FLRT1: variants seen among roughly 807,000 people sequenced by gnomAD.
FLRT1 encodes leucine-rich repeat transmembrane protein FLRT1.
FLRT1 carries 14 observed loss-of-function variants against 30.9 expected under a neutral mutation model. The observed-to-expected ratio is 0.45, with a 90% CI of 0.30 to 0.71. The LOEUF (loss-of-function observed/expected upper bound fraction) is 0.71, where lower values mean the gene tolerates loss of function less well. Ranked by LOEUF, FLRT1 falls within the 30% of genes least tolerant of loss-of-function variation. FLRT1 has a pLI of 0.08. For synonymous variants in FLRT1, 368 were observed against 430.4 expected, an observed-to-expected ratio of 0.85 and a Z score of 1.80; for missense variants, 737 against 949.2, an observed-to-expected ratio of 0.78 and a Z score of 2.94.
intron 1 of FLRT1, among the ~76,000 whole-genome samples, chr11:64,101,517 C>T (rs879744643): frequency 2.6e-5 from 4 of 152,198 alleles, no homozygotes; most frequent in Non-Finnish European, 4.4e-5. Flanking sequence ...AATGCCAAGG[C>T]CCGCTGCCCC....
At chr11:64,063,034 T>C (rs11826070) in intron 1 of FLRT1, among the ~76,000 whole-genome samples, 1,550 of 152,286 alleles carry the variant, frequency 0.01, 28 homozygotes, top group African/African-American at 0.036. Flanking sequence ...CAGTGAGATA[T>C]AACTTGAGCA....
chr11:64,109,655 C>A (rs1944825266), intron 2 of FLRT1, among the ~76,000 whole-genome samples: 1 of 152,150 alleles, frequency 6.6e-6, no homozygotes, highest in Non-Finnish European at 1.5e-5. Flanking sequence ...CTCCACCCTG[C>A]CCCCAGCCTG....
chr11:64,054,157 G>C (rs1309296793), intron 1 of FLRT1, among the ~76,000 whole-genome samples: 1 of 152,182 alleles, frequency 6.6e-6, no homozygotes, highest in Non-Finnish European at 1.5e-5. Context: ...GGCTAGCCAG[G>C]GTCAGGGCAG....
At chr11:64,073,678 G>A (rs1305314538) in intron 1 of FLRT1, among the ~76,000 whole-genome samples, 1 of 152,222 alleles carries the variant, frequency 6.6e-6, no homozygotes, top group Non-Finnish European at 1.5e-5. Context: ...TGGCACATCA[G>A]ATGGCATGCG....
intron 1 of FLRT1, among the ~76,000 whole-genome samples, chr11:64,046,509 T>A (rs1020599702): frequency 1.3e-5 from 2 of 152,196 alleles, no homozygotes; most frequent in Admixed American, 6.5e-5. Flanking sequence ...CCCTGCGCTG[T>A]GCTCCAGCCC....
At chr11:64,108,981 G>A (rs556058030) in intron 2 of FLRT1, among the ~76,000 whole-genome samples, 25 of 152,276 alleles carry the variant, frequency 1.6e-4, no homozygotes, top group African/African-American at 5.5e-4. Flanking sequence ...AAGTGGGGGT[G>A]GGGGAGACGT....
intron 1 of FLRT1, among the ~76,000 whole-genome samples, chr11:64,066,748 C>T (rs1415689240): frequency 1.3e-5 from 2 of 152,226 alleles, no homozygotes; most frequent in Non-Finnish European, 2.9e-5. Context: ...TCCTTCCTAC[C>T]TTCCAGGCCC....
In FLRT1 at chr11:64,116,405, G is replaced by A. The variant is rs759918242; in HGVS notation, c.138G>A (p.Thr46=). 8 of 1,613,930 alleles carry A rather than the reference G, an allele frequency of 5.0e-6. No individual in the cohort carries two copies. Among genetic ancestry groups the A allele is most frequent in the African/African-American group, 1.3e-5 (1 of 75,020 alleles). The stretch of plus-strand genomic sequence containing the variant: ...GCTACGGGCTCATCGCCTTCCTGAC[G>A]GAGGTCATCGACAGCACCACCTGCC... ...FLCYGLIAFL[T]EVIDSTTCPS... The change falls in exon 3 of 3, where the codon ACG becomes ACA. Residue 46 remains threonine, a synonymous_variant. Coordinates refer to ENST00000682287, the MANE Select transcript of FLRT1 (RefSeq NM_013280.5).
At chr11:64,087,765 C>T (rs1259311687) in intron 1 of FLRT1, among the ~76,000 whole-genome samples, 1 of 152,270 alleles carries the variant, frequency 6.6e-6, no homozygotes, top group Non-Finnish European at 1.5e-5. Context: ...GCACGCTGTG[C>T]ACGTCTGAAT....
intron 1 of FLRT1, among the ~76,000 whole-genome samples, chr11:64,037,978 G>A (rs1943414488): frequency 6.6e-6 from 1 of 152,188 alleles, no homozygotes; most frequent in South Asian, 2.1e-4. Context: ...GATTCTCAAG[G>A]GCTGAGGGTA....
At chr11:64,110,176 G>A (rs1447482424) in intron 2 of FLRT1, among the ~76,000 whole-genome samples, 5 of 152,134 alleles carry the variant, frequency 3.3e-5, no homozygotes, top group African/African-American at 7.2e-5. Context: ...GAGGCCCGGC[G>A]TGGTGGCTCA....
intron 2 of FLRT1, among the ~76,000 whole-genome samples, chr11:64,107,758 G>A (rs905966663): frequency 1.3e-5 from 2 of 152,158 alleles, no homozygotes; most frequent in Admixed American, 6.5e-5. Flanking sequence ...GGGTTAGAAG[G>A]TCCTTGAGGG....
intron 1 of FLRT1, among the ~76,000 whole-genome samples, chr11:64,089,192 C>T (rs915785744): frequency 6.6e-6 from 1 of 152,164 alleles, no homozygotes; most frequent in African/African-American, 2.4e-5. Context: ...TCTGACGGGA[C>T]AAGTGCTCTG....
intron 1 of FLRT1, among the ~76,000 whole-genome samples, chr11:64,084,241 C>T (rs1363283959): frequency 6.6e-6 from 1 of 152,178 alleles, no homozygotes; most frequent in Non-Finnish European, 1.5e-5. Context: ...GACAGGGACT[C>T]AGCCTCCAAA....
intron 2 of FLRT1, among the ~76,000 whole-genome samples, chr11:64,110,649 C>T (rs1017220074): frequency 2.6e-5 from 4 of 151,994 alleles, no homozygotes; most frequent in Non-Finnish European, 5.9e-5. Context: ...CTGCTCCCTT[C>T]GCCCACCCCC....
intron 1 of FLRT1, among the ~76,000 whole-genome samples, chr11:64,043,268 C>T (rs1393760063): frequency 6.6e-6 from 1 of 152,196 alleles, no homozygotes; most frequent in Non-Finnish European, 1.5e-5. Context: ...CTGGGATAAT[C>T]ACCCTGCTCG....
At chr11:64,066,906 A>G (rs1944015629) in intron 1 of FLRT1, among the ~76,000 whole-genome samples, 1 of 152,220 alleles carries the variant, frequency 6.6e-6, no homozygotes, top group Non-Finnish European at 1.5e-5. Flanking sequence ...CTCAGGCTAT[A>G]GCTCCGGAGC....
chr11:64,062,154 C>T (rs1943917976), intron 1 of FLRT1, among the ~76,000 whole-genome samples: 1 of 152,070 alleles, frequency 6.6e-6, no homozygotes, highest in Non-Finnish European at 1.5e-5. Flanking sequence ...TTTCCCCAGA[C>T]AGGGATTCCT....
Position 64,079,681 on chromosome 11 carries a change from G to A in FLRT1, c.-1037-23513G>A, listed in dbSNP as rs188419570. ...GTGGGAGCAGAGACCCCTGGAGGAG[G>A]TGTGGTTGGGGAAAGGAAGGACTGG... On this transcript the variant is annotated intron_variant, in intron 1 of 2. Transcript: ENST00000682287. Among the ~76,000 whole-genome samples the A allele has an allele frequency of 2.1e-3, 319 of 152,266 alleles. 1 individual carries two copies. The highest frequency in any genetic ancestry group is 1.6e-3 in the Non-Finnish European group (112 of 67,996).
Sources: gnomAD v4.1 joint callset for allele counts (sites outside exome capture counted in the v4.1 genomes callset) on GRCh38, gnomAD v4.1.1 for gene constraint, MANE v1.5 for transcripts, NCBI Gene and HGNC (gene_info 2026-07-23, HGNC 2026-07-21) for gene names.